INTS5: variants seen among roughly 807,000 people sequenced by gnomAD.
The protein encoded by INTS5 is KIAA1698.
Under a neutral mutation model 60.0 loss-of-function variants are expected in INTS5, and 29 were observed. The observed-to-expected ratio is 0.48, with a 90% CI of 0.36 to 0.66. INTS5 has a LOEUF of 0.66. INTS5 is among the 30% of genes least tolerant of loss of function. The pLI is 0.00. For missense variants in INTS5, 1,129 were observed against 1,307.9 expected, an observed-to-expected ratio of 0.86 and a Z score of 2.11; for synonymous variants, 588 against 558.8, an observed-to-expected ratio of 1.05 and a Z score of -0.74.
In INTS5 at chr11:62,648,631, C is replaced by G. The variant is rs770077098; in HGVS notation, c.1449G>C (p.Glu483Asp). The change falls in exon 2 of 2, where the codon GAG becomes GAC. Residue 483 changes from glutamate to aspartate, a missense_variant. By Grantham distance (45) the Glu-to-Asp change is conservative. Transcript: ENST00000330574. This position sits in a 1 kb window ranked among gnomAD's most constrained non-coding sequence, Gnocchi z 4.4. ...CCAATCGTAACGTCTCTCCACACAG[C>G]TCTCCAACATGGTTTTTGAGCGCAT... ...FLDALKNHVG[E>D]LCGETLRLER... The G allele has an allele frequency of 2.5e-6, 4 of 1,613,902 alleles. No individual in the cohort carries two copies. Among genetic ancestry groups the G allele is most frequent in the Non-Finnish European group, 3.4e-6 (4 of 1,179,996 alleles).
Position 62,647,322 on chromosome 11 carries a change from G to A in INTS5, c.2758C>T (p.Leu920=). Reference sequence around the variant, plus strand: ...TGCATATTACCCAGGGCCGGAGGCAGGAGGCTTCCCTCAGCCATGACAGCC... The same window carrying A: ...TGCATATTACCCAGGGCCGGAGGCAAGAGGCTTCCCTCAGCCATGACAGCC... ...LVAVMAEGSL[L]PPALGNMHEV... Residue 920 remains leucine, a synonymous_variant, in exon 2 of 2, where the codon CTG becomes TTG. Coordinates refer to ENST00000330574, the MANE Select transcript of INTS5 (RefSeq NM_030628.2). 1 of 1,614,134 alleles carries A rather than the reference G, an allele frequency of 6.2e-7. No homozygotes were observed. The highest frequency in any genetic ancestry group is 8.5e-7 in the Non-Finnish European group (1 of 1,180,050).
At chr11:62,650,213 T>C (rs997790378) in intron 1 of INTS5, among the ~76,000 whole-genome samples, 1 of 151,520 alleles carries the variant, frequency 6.6e-6, no homozygotes, top group African/African-American at 2.4e-5. Flanking sequence ...GCCTCCTGGG[T>C]TCACGCCATT....
In INTS5 at chr11:62,647,189, G is replaced by A; in HGVS notation, c.2891C>T (p.Ser964Leu). ...GPLPQKFIFQ[S>L]ERGRFIRDFS... is the part of the protein sequence containing the mutation. ...GTCCCGAATGAAGCGACCCCGCTCT[G>A]ATTGGAAGATGAACTTCTGAGGCAA... is the stretch of plus-strand genomic sequence containing the variant. Residue 964 changes from serine (S) to leucine (L), a missense_variant, in exon 2 of 2, where the codon TCA becomes TTA. Coordinates refer to ENST00000330574, the MANE Select transcript of INTS5 (RefSeq NM_030628.2). 1 of 1,614,224 alleles carries A rather than the reference G, an allele frequency of 6.2e-7. No homozygotes were observed. Among genetic ancestry groups the A allele is most frequent in the Non-Finnish European group, 8.5e-7 (1 of 1,180,046 alleles).
Position 62,647,444 on chromosome 11 carries a change from C to T in INTS5, c.2636G>A (p.Arg879Gln), listed in dbSNP as rs761456193. 2.2e-5 allele frequency: 36 copies of T among 1,607,002 alleles called. No homozygotes were observed. The highest frequency in any genetic ancestry group is 5.3e-5 in the African/African-American group (4 of 74,832). ...GCCCAAGAGGGCGGCCAGCAGCCCC[C>T]GAAGCAGCACGGAACAGTAGCACAG... ...PALCYCSVLL[R>Q]GLLAALLGHW... is the part of the protein sequence containing the mutation. Residue 879 changes from arginine (R) to glutamine (Q), a missense_variant, in exon 2 of 2, where the codon CGG becomes CAG. Transcript: ENST00000330574.
At position 62,648,748 on chromosome 11, in the gene INTS5, C is replaced by T; in HGVS notation, c.1332G>A (p.Leu444=). The change falls in exon 2 of 2, where the codon CTG becomes CTA. Residue 444 remains leucine, a synonymous_variant. Coordinates refer to ENST00000330574, the MANE Select transcript of INTS5 (RefSeq NM_030628.2). The surrounding 1 kb of genome is among the most constrained non-coding windows in gnomAD (Gnocchi z 4.4). The part of the protein sequence containing the change: ...ACDRLIQLLL[L]HLQKLVHHRG... ...GGTGATGAACCAGTTTTTGCAGGTG[C>T]AGCAGCAGCAGCTGGATTAGCCGGT... 1 of 1,613,810 alleles carries T rather than the reference C, an allele frequency of 6.2e-7. No individual in the cohort carries two copies. The highest frequency in any genetic ancestry group is 8.5e-7 in the Non-Finnish European group (1 of 1,179,778).
intron 1 of INTS5, among the ~76,000 whole-genome samples, chr11:62,650,329 G>A (rs1944583843): frequency 6.6e-6 from 1 of 151,964 alleles, no homozygotes; most frequent in African/African-American, 2.4e-5. Flanking sequence ...TGTTAGCCAG[G>A]ATGGTCTTGA....
In INTS5 at chr11:62,648,981, C is replaced by G; in HGVS notation, c.1099G>C (p.Ala367Pro). The G allele has an allele frequency of 6.2e-7, 1 of 1,613,288 alleles. No homozygotes were observed. The highest frequency in any genetic ancestry group is 8.5e-7 in the Non-Finnish European group (1 of 1,179,712). ...TGTTGCTGCAGCTGGCTCAGCACAG[C>G]TGGGGGCTTGAGGCAATCCACAAGC... is the stretch of plus-strand genomic sequence containing the variant. ...GELVDCLKPP[A>P]VLSQLQQHLQ... Residue 367 changes from alanine (A) to proline (P), a missense_variant, in exon 2 of 2, where the codon GCT (alanine) becomes CCT (proline). By Grantham distance (27) the Ala-to-Pro change is conservative (BLOSUM62 -1). Transcript: ENST00000330574. The surrounding 1 kb of genome is among the most constrained non-coding windows in gnomAD (Gnocchi z 4.4).
At position 62,649,031 on chromosome 11, in the gene INTS5, G is replaced by C. The variant is rs1209379312; in HGVS notation, c.1049C>G (p.Ala350Gly). 15 of 1,612,628 alleles carry C rather than the reference G, an allele frequency of 9.3e-6. No individual in the cohort carries two copies. The highest frequency in any genetic ancestry group is 1.2e-5 in the Non-Finnish European group (14 of 1,179,122). Residue 350 changes from alanine (A) to glycine (G), a missense_variant, in exon 2 of 2, where the codon GCT becomes GGT. Ala to Gly is a moderately conservative substitution (Grantham distance 60). Coordinates refer to ENST00000330574, the MANE Select transcript of INTS5 (RefSeq NM_030628.2). The surrounding 1 kb of genome is among the most constrained non-coding windows in gnomAD (Gnocchi z 6.0). ...CTCTCCAGAGACAGTGCCCAGCAAAGCTGGTGACATGACTGCCAGCTGCAG... is the reference window on the plus strand; with the variant it reads ...CTCTCCAGAGACAGTGCCCAGCAAACCTGGTGACATGACTGCCAGCTGCAG... Reference protein sequence around the residue: ...FLLQLAVMSPALLGTVSGELV... With the variant: ...FLLQLAVMSPGLLGTVSGELV...
chr11:62,653,289 C>A lies in INTS5; in HGVS notation c.-40G>T. The A allele has an allele frequency of 2.5e-6, 3 of 1,220,938 alleles. No homozygotes were observed. The highest frequency in any genetic ancestry group is 3.1e-6 in the Non-Finnish European group (3 of 969,248). The allele number at this position is 1,220,938 out of a possible 1,614,324, so 75.6% of individuals were successfully genotyped here. A position where few individuals can be genotyped will look rare whatever the true frequency, so the allele number is the denominator to read the frequency against. On this transcript the variant is annotated 5_prime_UTR_variant, in exon 1 of 2. Transcript: ENST00000330574. ...CGAGCCCGAGGCGCGAGCGGCGGAG[C>A]GCAGGCGGCGCATGCGCGCTGACAG...
chr11:62,652,445 T>C (rs1944603517), intron 1 of INTS5, among the ~76,000 whole-genome samples: 1 of 140,158 alleles, frequency 7.1e-6, no homozygotes, highest in African/African-American at 2.6e-5. Context: ...TGTAAGCACC[T>C]TATTAAGGGC....
chr11:62,649,088 T>G lies in INTS5; in HGVS notation c.992A>C (p.Asp331Ala). ...CGGAACCGTGGCCTGAAGGGAGGGG[T>G]CCCCACTGCGGCCTCCAGATCCCCC... is the stretch of plus-strand genomic sequence containing the variant. ...LAGGSGGRSG[D>A]PSLQATVPFL... is the part of the protein sequence containing the mutation. The change falls in exon 2 of 2, where the codon GAC becomes GCC. Residue 331 changes from aspartate to alanine, a missense_variant. Transcript: ENST00000330574. The surrounding 1 kb of genome is among the most constrained non-coding windows in gnomAD (Gnocchi z 6.0). 1.2e-6 allele frequency: 2 copies of G among 1,606,450 alleles called. No individual in the cohort carries two copies. The highest frequency in any genetic ancestry group is 1.7e-6 in the Non-Finnish European group (2 of 1,174,968).
At position 62,649,721 on chromosome 11, in the gene INTS5, T is replaced by C. The variant is rs773276861; in HGVS notation, c.359A>G (p.Asp120Gly). 6.2e-7 allele frequency: 1 copy of C among 1,614,118 alleles called. No individual in the cohort carries two copies. The highest frequency in any genetic ancestry group is 1.1e-5 in the South Asian group (1 of 91,076). The change falls in exon 2 of 2, where the codon GAT becomes GGT. Residue 120 changes from aspartate to glycine, a missense_variant. Asp to Gly is a moderately conservative substitution (Grantham distance 94). Around this residue, in one of 3 missense-constraint regions of INTS5, gnomAD observed 1,070 missense variants for 1,246.1 expected, o/e 0.86. Transcript: ENST00000330574. This position sits in a 1 kb window ranked among gnomAD's most constrained non-coding sequence, Gnocchi z 6.0. ...CACCTGCTGCACTTCCTGAACCACA[T>C]CCTCTAGACCAGGTCCACCAGCAGG... ...HVPAGGPGLEDVVQEVQQVLS... is the reference protein window; with the variant it reads ...HVPAGGPGLEGVVQEVQQVLS...
rs138191223 is a variant in INTS5, at chr11:62,647,178, G to T, written c.2902C>A (p.Arg968Ser). 2.5e-6 allele frequency: 4 copies of T among 1,614,072 alleles called. No homozygotes were observed. In the African/African-American group the frequency reaches 5.3e-5, roughly 22 times the overall value. The change falls in exon 2 of 2, where the codon CGC becomes AGC. Residue 968 changes from arginine to serine, a missense_variant. Physicochemically the swap from Arg to Ser is moderately radical, Grantham distance 110. Coordinates refer to ENST00000330574, the MANE Select transcript of INTS5 (RefSeq NM_030628.2). ...QKFIFQSERG[R>S]FIRDFSREGG... ...TCCCTGGAGAAGTCCCGAATGAAGC[G>T]ACCCCGCTCTGATTGGAAGATGAAC...
intron 1 of INTS5, among the ~76,000 whole-genome samples, chr11:62,652,906 G>A (rs1364588858): frequency 6.6e-6 from 1 of 152,198 alleles, no homozygotes; most frequent in African/African-American, 2.4e-5. Flanking sequence ...CAAGAGTTCA[G>A]ATACCCCCGA....
intron 1 of INTS5, 25 bp from the exon 2 acceptor site, chr11:62,650,024 C>CT (rs1565120485): frequency 1.3e-6 from 2 of 1,584,202 alleles, no homozygotes; most frequent in Admixed American, 3.4e-5. Context: ...AAGAAACAGA[C>CT]TTAAGAGTGT....
intron 1 of INTS5, among the ~76,000 whole-genome samples, chr11:62,651,233 C>G (rs1944590083): frequency 6.6e-6 from 1 of 152,124 alleles, no homozygotes; most frequent in South Asian, 2.1e-4. Context: ...GCCTCAGCCT[C>G]CTGAGTAGCT....
Position 62,653,227 on chromosome 11 carries a change from G to A in INTS5, c.23C>T (p.Pro8Leu). Residue 8 changes from proline (P) to leucine (L), a missense_variant, in exon 1 of 2, where the codon CCC becomes CTC. Coordinates refer to ENST00000330574, the MANE Select transcript of INTS5 (RefSeq NM_030628.2). Reference sequence around the variant, plus strand: ...AGGCCCAGGTGGCCCTGGGGCCCCGGGAGGGTCGCACAGCGCGGACATCCC... The same window carrying A: ...AGGCCCAGGTGGCCCTGGGGCCCCGAGAGGGTCGCACAGCGCGGACATCCC... MSALCDP[P>L]GAPGPPGPAP... The A allele has an allele frequency of 1.0e-5, 13 of 1,246,226 alleles. No homozygotes were observed. The highest frequency in any genetic ancestry group is 1.3e-5 in the Non-Finnish European group (13 of 987,676). 77.2% of individuals were successfully genotyped at this position (1,246,226 alleles called of 1,614,324 possible).
chr11:62,650,358 C>T (rs1372069730), intron 1 of INTS5, among the ~76,000 whole-genome samples: 1 of 152,048 alleles, frequency 6.6e-6, no homozygotes, highest in Non-Finnish European at 1.5e-5. Flanking sequence ...CCTCATGATC[C>T]GTCCTCCTCG....
Position 62,647,256 on chromosome 11 carries a change from G to C in INTS5, c.2824C>G (p.Leu942Val), listed in dbSNP as rs1362456472. 2 of 1,614,246 alleles carry C rather than the reference G, an allele frequency of 1.2e-6. No homozygotes were observed. The highest frequency in any genetic ancestry group is 1.3e-5 in the African/African-American group (1 of 75,076). The change falls in exon 2 of 2, where the codon CTG (leucine) becomes GTG (valine). Residue 942 changes from leucine (L) to valine (V), a missense_variant. By Grantham distance (32) the Leu-to-Val change is conservative (BLOSUM62 1). Transcript: ENST00000330574. ...AGAAAACCCCAGACACTGAGCAGCA[G>C]CAGACGCACCTCGAAAGGTGCCAGT... ...SQLAPFEVRL[L>V]LLSVWGFLRE...
Sources: allele counts gnomAD v4.1 joint callset (sites outside exome capture counted in the v4.1 genomes callset), GRCh38; gene constraint gnomAD v4.1.1; regional missense constraint gnomAD v4.1.1; non-coding constraint Gnocchi (gnomAD v3.1); transcripts MANE v1.5; gene names NCBI Gene and HGNC (gene_info 2026-07-23, HGNC 2026-07-21).